Variants in DOCK1 observed in about 807,000 individuals in gnomAD.
The protein encoded by DOCK1 is dedicator of cytokinesis protein 1.
A neutral mutation model predicts 262.7 loss-of-function variants in DOCK1; 138 were observed. The observed-to-expected ratio is 0.53, with a 90% CI of 0.46 to 0.61. The LOEUF (loss-of-function observed/expected upper bound fraction) is 0.61. Ranked by LOEUF, DOCK1 falls within the 20% of genes least tolerant of loss-of-function variation. The pLI, the probability that DOCK1 is intolerant of heterozygous loss-of-function variation, is 0.00. For missense variants in DOCK1, 1,908 were observed against 2,370.7 expected (o/e 0.80, Z 4.05); for synonymous variants, 866 against 867.4 (o/e 1.00, Z 0.03).
At chr10:127,017,196 C>CACAT (rs2042036630) in intron 12 of DOCK1, among the ~76,000 whole-genome samples, 7 of 145,074 alleles carry the variant, frequency 4.8e-5, no homozygotes, top group South Asian at 4.5e-4. Context: ...CACATACACA[C>CACAT]GCACACACAG....
chr10:126,975,976 G>A (rs112074189), intron 2 of DOCK1, among the ~76,000 whole-genome samples: 1,826 of 152,150 alleles, frequency 0.012, 37 homozygotes, highest in African/African-American at 0.04. Flanking sequence ...ATTTCCTTAT[G>A]TATTCTAAGA....
In DOCK1 at chr10:127,304,840, C is replaced by A. The variant is rs139184312; in HGVS notation, c.3045-34166C>A. Among the ~76,000 whole-genome samples the A allele has an allele frequency of 8.2e-3, 1,253 of 152,216 alleles. 23 individuals carry two copies. Among genetic ancestry groups the A allele is most frequent in the African/African-American group, 0.029 (1,191 of 41,506 alleles). On this transcript the variant is annotated intron_variant, in intron 29 of 51. Transcript: ENST00000623213. ...AAGATTGCAGAGAGCCATGATCATACCACTGCACTCCAACCTGGGTGACAG... is the reference window on the plus strand; with the variant it reads ...AAGATTGCAGAGAGCCATGATCATAACACTGCACTCCAACCTGGGTGACAG...
At chr10:127,372,550 T>C (rs532254740) in intron 33 of DOCK1, among the ~76,000 whole-genome samples, 1 of 152,342 alleles carries the variant, frequency 6.6e-6, no homozygotes, top group Non-Finnish European at 1.5e-5. Flanking sequence ...GTAGTTTATG[T>C]GCACACAGCA....
chr10:127,372,274 T>A (rs944417580), intron 33 of DOCK1, among the ~76,000 whole-genome samples: 1 of 152,078 alleles, frequency 6.6e-6, no homozygotes, highest in African/African-American at 2.4e-5. Flanking sequence ...CTCCTTGGGT[T>A]TCACCGTTCC....
rs1317212897 is a variant in DOCK1 at position 127,447,374 on chromosome 10, A to C, written c.5414-20A>C. The C allele has an allele frequency of 6.2e-7, 1 of 1,607,404 alleles. No homozygotes were observed. The highest frequency in any genetic ancestry group is 1.1e-5 in the South Asian group (1 of 89,620). On this transcript the variant is annotated intron_variant, in intron 50 of 51. Coordinates refer to ENST00000623213, the MANE Select transcript of DOCK1 (RefSeq NM_001290223.2). ...CCGTGGGGAAGTCGGGCTGATTTTA[A>C]ATAGATCCCGGTTTTCCAGGCTTGG...
chr10:127,246,649 C>T (rs1432329855), intron 27 of DOCK1, among the ~76,000 whole-genome samples: 4 of 152,170 alleles, frequency 2.6e-5, no homozygotes, highest in Admixed American at 6.5e-5. Context: ...GATATCATAT[C>T]ATCATTATTG....
intron 37 of DOCK1, among the ~76,000 whole-genome samples, chr10:127,381,650 A>C (rs1258618824): frequency 1.3e-5 from 2 of 152,232 alleles, no homozygotes; most frequent in Non-Finnish European, 2.9e-5. Context: ...TAGAGATTCT[A>C]CAATTCCTTG....
At chr10:126,915,951 A>T (rs1175369270) in intron 1 of DOCK1, among the ~76,000 whole-genome samples, 1 of 152,248 alleles carries the variant, frequency 6.6e-6, no homozygotes, top group African/African-American at 2.4e-5. Context: ...CTATATTCTG[A>T]AATAACTCTT....
intron 25 of DOCK1, among the ~76,000 whole-genome samples, chr10:127,111,461 G>T (rs939669029): frequency 6.6e-6 from 1 of 152,022 alleles, no homozygotes; most frequent in African/African-American, 2.4e-5. Flanking sequence ...CATGGTCTGG[G>T]ACTCAAAGCA....
At chr10:127,224,010 A>G (rs1185227) in intron 27 of DOCK1, among the ~76,000 whole-genome samples, 79,824 of 152,030 alleles carry the variant, frequency 0.53, 21,286 homozygotes, top group East Asian at 0.75. Context: ...GTTTTCTGCT[A>G]TTTAGGCTAT....
rs765174319 is a variant in DOCK1 at position 127,415,174 on chromosome 10, T to C, written c.4451T>C (p.Ile1484Thr). 12 of 1,613,316 alleles carry C rather than the reference T, an allele frequency of 7.4e-6. No homozygotes were observed. The highest frequency in any genetic ancestry group is 2.7e-5 in the African/African-American group (2 of 74,926). Residue 1484 changes from isoleucine to threonine, a missense_variant, in exon 44 of 52, where the codon ATA becomes ACA. Ile to Thr is a moderately conservative substitution (Grantham distance 89, BLOSUM62 -1). This residue lies in a region of DOCK1 where 267 missense variants were observed against 366.3 expected (regional missense o/e 0.73). Coordinates refer to ENST00000623213, the MANE Select transcript of DOCK1 (RefSeq NM_001290223.2). Reference sequence around the variant, plus strand: ...CAGAATATGTGGATCGAGAGAACCATATATACAACTGCATATAAATTACCT... The same window carrying C: ...CAGAATATGTGGATCGAGAGAACCACATATACAACTGCATATAAATTACCT... ...EFANMWIERT[I>T]YTTAYKLPGI... is the part of the protein sequence containing the mutation.
intron 25 of DOCK1, among the ~76,000 whole-genome samples, chr10:127,123,831 G>A (rs1003124804): frequency 2.0e-5 from 3 of 152,150 alleles, no homozygotes; most frequent in African/African-American, 7.2e-5. Flanking sequence ...CACAGCCTTC[G>A]AGGCTGACCT....
chr10:126,955,410 G>A (rs2036651541), intron 1 of DOCK1, among the ~76,000 whole-genome samples: 1 of 152,216 alleles, frequency 6.6e-6, no homozygotes, highest in Non-Finnish European at 1.5e-5. Context: ...ACAGGCGTGA[G>A]CCAGTAATTT....
At chr10:127,422,656 T>C (rs1039726556) in intron 46 of DOCK1, among the ~76,000 whole-genome samples, 3 of 152,238 alleles carry the variant, frequency 2.0e-5, no homozygotes, top group East Asian at 3.8e-4. Context: ...TGGCCAACTT[T>C]GGCTTCTTTG....
intron 27 of DOCK1, among the ~76,000 whole-genome samples, chr10:127,208,197 G>A (rs2057809215): frequency 6.6e-6 from 1 of 152,174 alleles, no homozygotes; most frequent in African/African-American, 2.4e-5. Flanking sequence ...TGCTGTCTTA[G>A]TTATGGGAAT....
At position 127,361,509 on chromosome 10, in the gene DOCK1, G is replaced by A. The variant is rs142472928; in HGVS notation, c.3284-555G>A. Among the ~76,000 whole-genome samples the A allele has an allele frequency of 5.7e-3, 865 of 152,234 alleles. 7 individuals carry two copies. The highest frequency in any genetic ancestry group is 0.02 in the African/African-American group (823 of 41,522). ...TAGGGTTTCAGCCTCAGATTCCGGCGCCTTGATTTACTTTGATTGGAGTCG... is the reference window on the plus strand; with the variant it reads ...TAGGGTTTCAGCCTCAGATTCCGGCACCTTGATTTACTTTGATTGGAGTCG... On this transcript the variant is annotated intron_variant, in intron 32 of 51. Transcript: ENST00000623213.
intron 28 of DOCK1, among the ~76,000 whole-genome samples, chr10:127,254,972 G>A (rs906986366): frequency 1.3e-5 from 2 of 152,180 alleles, no homozygotes; most frequent in Non-Finnish European, 2.9e-5. Flanking sequence ...GAGGATGGCT[G>A]TTTTATTCTA....
intron 31 of DOCK1, among the ~76,000 whole-genome samples, chr10:127,351,574 T>A (rs1013787183): frequency 6.6e-6 from 1 of 152,080 alleles, no homozygotes; most frequent in Non-Finnish European, 1.5e-5. Context: ...ATTTTGCTTC[T>A]CTCCTGTATG....
At chr10:127,386,672 G>A (rs983746138) in intron 38 of DOCK1, among the ~76,000 whole-genome samples, 1 of 152,036 alleles carries the variant, frequency 6.6e-6, no homozygotes, top group African/African-American at 2.4e-5. Context: ...ACATGATGGT[G>A]AGTTGTATAA....
Sources: gnomAD v4.1 joint callset for allele counts (sites outside exome capture counted in the v4.1 genomes callset) on GRCh38, gnomAD v4.1.1 for gene constraint, gnomAD v4.1.1 regional missense constraint, MANE v1.5 for transcripts, NCBI Gene and HGNC (gene_info 2026-07-23, HGNC 2026-07-21) for gene names.